PRLR: variants seen among roughly 807,000 people sequenced by gnomAD.
PRLR encodes hPRL receptor.
In PRLR, 13 loss-of-function variants were observed where a neutral mutation model predicts 40.2. That is an observed-to-expected ratio of 0.32 (90% confidence interval 0.21 to 0.51). The LOEUF is 0.51. PRLR is among the 20% of genes least tolerant of loss of function. PRLR has a pLI of 0.97. For missense variants in PRLR, 656 were observed against 747.3 expected (o/e 0.88, Z 1.42); for synonymous variants, 269 against 278.7 (o/e 0.97, Z 0.35).
chr5:35,055,504 G>A (rs1372871807), downstream of PRLR, among the ~76,000 whole-genome samples: 2 of 151,946 alleles, frequency 1.3e-5, no homozygotes, highest in South Asian at 2.1e-4. Flanking sequence ...AAAATGCCAT[G>A]GGTGAGTGTC....
rs574245523 is a variant in PRLR at position 35,147,369 on chromosome 5, T to C, written c.-105-29247A>G. On this transcript the variant is annotated intron_variant, in intron 1 of 9. Coordinates refer to ENST00000618457, the MANE Select transcript of PRLR (RefSeq NM_000949.7). ...TTCTCAGATTCACAGAGGTCTGCTA[T>C]ATTTCCATCTCAAGAATTATAAAAA... Among the ~76,000 whole-genome samples the C allele has an allele frequency of 1.7e-3, 255 of 152,310 alleles. 1 individual carries two copies. The highest frequency in any genetic ancestry group is 6.1e-3 in the African/African-American group (252 of 41,570).
intron 1 of PRLR, 58 bp from the exon 2 acceptor site, chr5:35,118,180 C>G: frequency 2.3e-6 from 2 of 868,380 alleles, no homozygotes; most frequent in Non-Finnish European, 2.8e-6. Flanking sequence ...GATTCCATTT[C>G]TGGCTCACTC....
At chr5:35,172,082 C>T (rs772569631) in intron 1 of PRLR, among the ~76,000 whole-genome samples, 1 of 152,194 alleles carries the variant, frequency 6.6e-6, no homozygotes, top group Non-Finnish European at 1.5e-5. Context: ...GTGCAAGCTA[C>T]ATGGTTTCAG....
At chr5:35,068,538 C>A (rs894719622) in intron 8 of PRLR, among the ~76,000 whole-genome samples, 4 of 152,054 alleles carry the variant, frequency 2.6e-5, no homozygotes, top group East Asian at 1.9e-4. Flanking sequence ...GCTACTCTTG[C>A]CAGATTTTTA....
At chr5:35,066,265 T>G (rs1769365811) in intron 9 of PRLR, among the ~76,000 whole-genome samples, 163 bp from the exon 10 acceptor site, 1 of 152,142 alleles carries the variant, frequency 6.6e-6, no homozygotes, top group African/African-American at 2.4e-5. Flanking sequence ...TGGATACTAT[T>G]CAGCAGATTT....
At chr5:35,048,805 T>C (rs1222654483) in exon 9 of PRLR, 1 of 250,256 alleles carries the variant, frequency 4.0e-6, no homozygotes, top group Non-Finnish European at 8.1e-6. Context: ...AGTACATCTC[T>C]TCTAGGTTTC....
At chr5:35,084,449 A>G in intron 5 of PRLR, 21 bp downstream of exon 5, 13 of 1,535,154 alleles carry the variant, frequency 8.5e-6, no homozygotes, top group Non-Finnish European at 1.1e-5. Flanking sequence ...GAAATTCCTC[A>G]CCCACTTTCC....
At chr5:35,171,445 C>G (rs1774994370) in intron 1 of PRLR, among the ~76,000 whole-genome samples, 1 of 152,096 alleles carries the variant, frequency 6.6e-6, no homozygotes, top group South Asian at 2.1e-4. Flanking sequence ...CAGTTGAGGA[C>G]CATCATCTCA....
At chr5:35,207,089 A>T in intron 1 of PRLR, among the ~76,000 whole-genome samples, 1 of 152,106 alleles carries the variant, frequency 6.6e-6, no homozygotes, top group Non-Finnish European at 1.5e-5. Context: ...ACTTTTAAAA[A>T]TGTTATGTAA....
chr5:35,166,929 A>T (rs772562036), intron 1 of PRLR, among the ~76,000 whole-genome samples: 1 of 152,176 alleles, frequency 6.6e-6, no homozygotes, highest in Non-Finnish European at 1.5e-5. Context: ...ACCCTTAAAC[A>T]TATGATAAGA....
Position 35,061,605 on chromosome 5 carries a change from C to G in PRLR, c.*3484G>C, listed in dbSNP as rs1769041626. The G allele has an allele frequency of 6.6e-6, 1 of 152,176 alleles. No individual in the cohort carries two copies. Among genetic ancestry groups the G allele is most frequent in the Non-Finnish European group, 1.5e-5 (1 of 68,044 alleles). 9.4% of individuals were successfully genotyped at this position (152,176 alleles called of 1,614,324 possible). ...GTTATATAGCTAATAAATGTAGGATCTGTTAAATATCTGACACAGCTGATA... is the reference window on the plus strand; with the variant it reads ...GTTATATAGCTAATAAATGTAGGATGTGTTAAATATCTGACACAGCTGATA... On this transcript the variant is annotated 3_prime_UTR_variant, in exon 10 of 10. Transcript: ENST00000618457.
intron 1 of PRLR, among the ~76,000 whole-genome samples, chr5:35,144,933 A>T (rs770018007): frequency 2.8e-4 from 43 of 152,170 alleles, no homozygotes; most frequent in Non-Finnish European, 5.3e-4. Flanking sequence ...GAGTTCTGGG[A>T]ATAAAAAAGA....
chr5:35,103,677 G>A (rs536477805), intron 2 of PRLR, among the ~76,000 whole-genome samples: 120 of 152,186 alleles, frequency 7.9e-4, no homozygotes, highest in African/African-American at 2.8e-3. Flanking sequence ...TTTCATCCTT[G>A]GCCTAGAAAA....
chr5:35,173,224 C>T (rs1436732340), intron 1 of PRLR, among the ~76,000 whole-genome samples: 2 of 152,186 alleles, frequency 1.3e-5, no homozygotes, highest in East Asian at 3.8e-4. Flanking sequence ...CATGGACACC[C>T]ACATACATGT....
chr5:35,089,633 C>T lies in PRLR; in HGVS notation c.-13G>A, dbSNP rs779696339. The T allele has an allele frequency of 2.5e-6, 4 of 1,613,904 alleles. No individual in the cohort carries two copies. The highest frequency in any genetic ancestry group is 1.3e-5 in the African/African-American group (1 of 75,036). On this transcript the variant is annotated 5_prime_UTR_variant, in exon 3 of 10. Transcript: ENST00000618457. ...CATTTTCCTTCATGTTGGCTGCCTT[C>T]TCTTGCTGCAGGAAATGTATCAGAA... is the stretch of plus-strand genomic sequence containing the variant.
At chr5:35,173,410 C>T (rs949652258) in intron 1 of PRLR, among the ~76,000 whole-genome samples, 3 of 152,180 alleles carry the variant, frequency 2.0e-5, no homozygotes, top group Non-Finnish European at 4.4e-5. Flanking sequence ...TGATCTTGTT[C>T]CCTGGGGAGT....
At chr5:35,129,729 T>A (rs1392501813) in intron 1 of PRLR, among the ~76,000 whole-genome samples, 1 of 152,020 alleles carries the variant, frequency 6.6e-6, no homozygotes, top group Admixed American at 6.6e-5. Flanking sequence ...CTTCTTCCCT[T>A]TACTGTCCCT....
At chr5:35,097,416 T>A (rs1189054763) in intron 2 of PRLR, among the ~76,000 whole-genome samples, 1 of 152,130 alleles carries the variant, frequency 6.6e-6, no homozygotes, top group Non-Finnish European at 1.5e-5. Flanking sequence ...CCAGAGACGG[T>A]CTGCGAGTTG....
chr5:35,049,081 G>A (rs1316142812), exon 9 of PRLR: 14 of 673,786 alleles, frequency 2.1e-5, no homozygotes, highest in Non-Finnish European at 3.8e-5. Flanking sequence ...GTCCCTTTTT[G>A]TGTGGGTTTC....
Sources: allele counts gnomAD v4.1 joint callset (sites outside exome capture counted in the v4.1 genomes callset), GRCh38; gene constraint gnomAD v4.1.1; transcripts MANE v1.5; gene names NCBI Gene and HGNC (gene_info 2026-07-23, HGNC 2026-07-21).